Variants in CLIC4 observed in about 807,000 individuals in gnomAD.
CLIC4 encodes the protein chloride intracellular channel protein 4.
A neutral mutation model predicts 24.6 loss-of-function variants in CLIC4; 13 were observed. The observed-to-expected ratio is 0.53, with a 90% CI of 0.34 to 0.84. The LOEUF is 0.84. CLIC4 is among the 40% of genes least tolerant of loss of function. The probability of loss-of-function intolerance (pLI) is 0.01; values close to 1 mark genes in which losing one functional copy is unlikely to be tolerated. For missense variants in CLIC4, 227 were observed against 301.7 expected, an observed-to-expected ratio of 0.75 and a Z score of 1.83; for synonymous variants, 104 against 111.3, an observed-to-expected ratio of 0.93 and a Z score of 0.41.
At chr1:24,815,809 C>G (rs892055020) in intron 3 of CLIC4, among the ~76,000 whole-genome samples, 7 of 152,280 alleles carry the variant, frequency 4.6e-5, no homozygotes, top group African/African-American at 1.4e-4. Flanking sequence ...ACATGCACCC[C>G]TGTTTGATAG....
At chr1:24,840,599 C>A (rs762517216) in intron 5 of CLIC4, among the ~76,000 whole-genome samples, 174 bp from the exon 6 acceptor site, 1 of 152,148 alleles carries the variant, frequency 6.6e-6, no homozygotes, top group Non-Finnish European at 1.5e-5. Context: ...GTGTAGCTTG[C>A]AGTCTTGGTC....
intron 1 of CLIC4, among the ~76,000 whole-genome samples, chr1:24,774,718 G>A (rs1287251912): frequency 6.6e-6 from 1 of 152,086 alleles, no homozygotes; most frequent in Non-Finnish European, 1.5e-5. Flanking sequence ...TTGATCCCTG[G>A]AGATCGAGGC....
At chr1:24,840,743 C>A in intron 5 of CLIC4, 30 bp from the exon 6 acceptor site, 1 of 1,558,044 alleles carries the variant, frequency 6.4e-7, no homozygotes, top group Non-Finnish European at 8.7e-7. Context: ...GGAAATAAGT[C>A]TGTTAACTTT....
intron 4 of CLIC4, among the ~76,000 whole-genome samples, chr1:24,837,658 G>A (rs1639899234): frequency 6.6e-6 from 1 of 152,142 alleles, no homozygotes; most frequent in Admixed American, 6.5e-5. Context: ...ACCAAATCCA[G>A]CAACATAACA....
At chr1:24,811,153 A>G (rs527968249) in intron 2 of CLIC4, among the ~76,000 whole-genome samples, 18 of 152,198 alleles carry the variant, frequency 1.2e-4, no homozygotes, top group Non-Finnish European at 2.1e-4. Context: ...ATTACCATAA[A>G]ACATTTTTAA....
intron 4 of CLIC4, among the ~76,000 whole-genome samples, chr1:24,827,318 A>G (rs775077895): frequency 6.6e-6 from 1 of 152,222 alleles, no homozygotes; most frequent in Non-Finnish European, 1.5e-5. Flanking sequence ...GTTTCTAGCT[A>G]GTAGCACAGT....
chr1:24,827,156 C>A (rs4648877), intron 4 of CLIC4, 40 bp downstream of exon 4: 4 of 1,250,832 alleles, frequency 3.2e-6, no homozygotes, highest in Admixed American at 3.9e-5. Flanking sequence ...CAACAAAAAA[C>A]CCCAAACAAC....
In CLIC4 at chr1:24,809,071, T is replaced by A. The variant is rs552932747; in HGVS notation, c.183-5023T>A. Among the ~76,000 whole-genome samples the A allele has an allele frequency of 2.0e-5, 3 of 152,290 alleles. No homozygotes were observed. The South Asian group carries it at 6.2e-4, about 32-fold the overall frequency. On this transcript the variant is annotated intron_variant, in intron 2 of 5. Coordinates refer to ENST00000374379, the MANE Select transcript of CLIC4 (RefSeq NM_013943.3). ...TGACTTATTTCATTTTGTGAAAAAC[T>A]TGAGCTTGTCAGACTAAAGAATGTT...
chr1:24,822,498 A>C (rs1306296013), intron 3 of CLIC4, among the ~76,000 whole-genome samples: 1 of 151,758 alleles, frequency 6.6e-6, no homozygotes, highest in Non-Finnish European at 1.5e-5. Flanking sequence ...ACAGATGTGC[A>C]CCACCACGCC....
chr1:24,817,949 T>C (rs1434128341), intron 3 of CLIC4, among the ~76,000 whole-genome samples: 2 of 152,168 alleles, frequency 1.3e-5, no homozygotes, highest in Non-Finnish European at 2.9e-5. Context: ...ACATATGATA[T>C]TAATCAGTTA....
intron 1 of CLIC4, among the ~76,000 whole-genome samples, chr1:24,773,072 C>A (rs1367256742): frequency 1.3e-5 from 2 of 152,128 alleles, no homozygotes; most frequent in Non-Finnish European, 2.9e-5. Context: ...TTTTAAAAGT[C>A]CCCCACATAT....
At chr1:24,791,020 G>T (rs1212423164) in intron 1 of CLIC4, among the ~76,000 whole-genome samples, 1 of 152,028 alleles carries the variant, frequency 6.6e-6, no homozygotes, top group African/African-American at 2.4e-5. Flanking sequence ...AAGAAAAATA[G>T]TAGTATGTAG....
intron 1 of CLIC4, among the ~76,000 whole-genome samples, chr1:24,752,354 G>A (rs1187648280): frequency 1.4e-4 from 21 of 152,136 alleles, no homozygotes; most frequent in Admixed American, 9.2e-4. Flanking sequence ...CTCAGTCCAG[G>A]AGAATGTCTT....
At chr1:24,785,854 C>CAAAAAACAAAAA (rs1639259830) in intron 1 of CLIC4, among the ~76,000 whole-genome samples, 1 of 58,852 alleles carries the variant, frequency 1.7e-5, no homozygotes, top group Non-Finnish European at 2.9e-5. Context: ...GACTACAACT[C>CAAAAAACAAAAA]AAAAAAAAAA....
chr1:24,748,567 G>A (rs1638736433), intron 1 of CLIC4, among the ~76,000 whole-genome samples: 1 of 140,676 alleles, frequency 7.1e-6, no homozygotes, highest in South Asian at 2.3e-4. Flanking sequence ...CTGGAGTGCA[G>A]TGGCGCGATC....
chr1:24,791,737 A>G (rs1261625776), intron 1 of CLIC4, among the ~76,000 whole-genome samples: 2 of 152,128 alleles, frequency 1.3e-5, no homozygotes, highest in Non-Finnish European at 2.9e-5. Flanking sequence ...TCAGCTGGGC[A>G]TGGTTGTGGG....
At chr1:24,815,745 A>G (rs983481091) in intron 3 of CLIC4, among the ~76,000 whole-genome samples, 6 of 152,196 alleles carry the variant, frequency 3.9e-5, no homozygotes, top group African/African-American at 9.7e-5. Flanking sequence ...ATAGCATTTA[A>G]AAATTTTAAA....
intron 1 of CLIC4, among the ~76,000 whole-genome samples, chr1:24,759,309 A>G (rs919250809): frequency 3.3e-5 from 5 of 152,220 alleles, no homozygotes; most frequent in African/African-American, 7.2e-5. Context: ...TCAATTGAAT[A>G]CTTTCCATGC....
chr1:24,754,303 C>T (rs542988780), intron 1 of CLIC4, among the ~76,000 whole-genome samples: 1 of 152,110 alleles, frequency 6.6e-6, no homozygotes, highest in Non-Finnish European at 1.5e-5. Flanking sequence ...GGAGAAGAAC[C>T]TGGCTGTCAG....
Sources: allele counts gnomAD v4.1 joint callset (sites outside exome capture counted in the v4.1 genomes callset), GRCh38; gene constraint gnomAD v4.1.1; transcripts MANE v1.5; gene names NCBI Gene and HGNC (gene_info 2026-07-23, HGNC 2026-07-21).